The following ATXN1 variants were observed in gnomAD, a reference collection of about 807,000 sequenced individuals.
ATXN1 encodes the protein ataxin 1.
In ATXN1, 8 loss-of-function variants were observed where a neutral mutation model predicts 56.4. The observed-to-expected ratio is 0.14, with a 90% confidence interval of 0.08 to 0.26. ATXN1 has a LOEUF of 0.26. Ranked by LOEUF, ATXN1 falls within the 10% of genes least tolerant of loss-of-function variation. The pLI is 1.00. For missense variants in ATXN1, 987 were observed against 1,106.5 expected (o/e 0.89, Z 1.53); for synonymous variants, 514 against 494.6 (o/e 1.04, Z -0.52).
intron 4 of ATXN1, among the ~76,000 whole-genome samples, chr6:16,531,045 T>A (rs1463914319): frequency 6.6e-6 from 1 of 152,216 alleles, no homozygotes; most frequent in Non-Finnish European, 1.5e-5. Flanking sequence ...TTGAAGAGAA[T>A]TTGTACAAAA....
intron 6 of ATXN1, among the ~76,000 whole-genome samples, chr6:16,396,456 T>C (rs1189545947): frequency 6.6e-6 from 1 of 152,066 alleles, no homozygotes; most frequent in Non-Finnish European, 1.5e-5. Context: ...AGAAAGAAAA[T>C]ATTCTTGTAC....
At chr6:16,589,303 G>A (rs891560297) in intron 3 of ATXN1, among the ~76,000 whole-genome samples, 1 of 152,026 alleles carries the variant, frequency 6.6e-6, no homozygotes, top group African/African-American at 2.4e-5. Flanking sequence ...AGGCAAGAAA[G>A]AGGTATCCCC....
chr6:16,694,992 T>TAATG (rs1309843891), intron 2 of ATXN1, among the ~76,000 whole-genome samples: 1 of 152,174 alleles, frequency 6.6e-6, no homozygotes, highest in Admixed American at 6.5e-5. Flanking sequence ...ATCAGTTAGG[T>TAATG]AATGACTGGC....
intron 2 of ATXN1, among the ~76,000 whole-genome samples, chr6:16,728,039 G>A (rs996043296): frequency 2.0e-5 from 3 of 152,202 alleles, no homozygotes; most frequent in African/African-American, 7.2e-5. Flanking sequence ...TGCATGAGGA[G>A]GCTGTGAGGA....
At chr6:16,519,376 T>C (rs7749322) in intron 5 of ATXN1, among the ~76,000 whole-genome samples, 5,940 of 152,238 alleles carry the variant, frequency 0.039, 393 homozygotes, top group African/African-American at 0.13. Flanking sequence ...ATTATATAGA[T>C]GAGGAAACAT....
At chr6:16,748,750 C>T (rs1210868183) in intron 2 of ATXN1, among the ~76,000 whole-genome samples, 1 of 152,088 alleles carries the variant, frequency 6.6e-6, no homozygotes, top group Non-Finnish European at 1.5e-5. Flanking sequence ...TTGTTCCTGT[C>T]TTAACCTTCT....
intron 3 of ATXN1, among the ~76,000 whole-genome samples, chr6:16,592,875 T>TGGGGGGTTGG (rs1762747832): frequency 7.3e-5 from 1 of 13,704 alleles, no homozygotes; most frequent in Non-Finnish European, 1.2e-4. Context: ...CGGGTGGGGG[T>TGGGGGGTTGG]GGGGGGTTGG....
intron 5 of ATXN1, among the ~76,000 whole-genome samples, chr6:16,518,620 A>G (rs1177769949): frequency 6.6e-6 from 1 of 152,194 alleles, no homozygotes; most frequent in Admixed American, 6.5e-5. Flanking sequence ...CTCTTGTAAG[A>G]TAAAAGTTTC....
chr6:16,325,611 T>A (rs1304075006), intron 7 of ATXN1, among the ~76,000 whole-genome samples: 1 of 152,130 alleles, frequency 6.6e-6, no homozygotes, highest in East Asian at 1.9e-4. Context: ...CACCTGGGGC[T>A]TCCCCAGGTG....
intron 4 of ATXN1, among the ~76,000 whole-genome samples, chr6:16,524,098 G>T (rs1357820889): frequency 6.6e-6 from 1 of 152,172 alleles, no homozygotes; most frequent in African/African-American, 2.4e-5. Flanking sequence ...AGAGGACGTG[G>T]ACGGCATGTG....
intron 6 of ATXN1, among the ~76,000 whole-genome samples, chr6:16,440,781 A>G (rs182334103): frequency 6.6e-6 from 1 of 152,282 alleles, no homozygotes; most frequent in East Asian, 1.9e-4. Context: ...AATAGCAATG[A>G]TAACAACAAA....
intron 6 of ATXN1, among the ~76,000 whole-genome samples, chr6:16,377,209 G>A (rs770008713): frequency 4.7e-4 from 72 of 152,218 alleles, no homozygotes; most frequent in Non-Finnish European, 8.1e-4. Flanking sequence ...CCAGCACTGT[G>A]AGAAATGTAT....
chr6:16,341,508 T>C (rs912228008), intron 6 of ATXN1, among the ~76,000 whole-genome samples: 2 of 150,518 alleles, frequency 1.3e-5, no homozygotes, highest in African/African-American at 4.9e-5. Flanking sequence ...ACCTCTGGTA[T>C]AGAGGATTTT....
chr6:16,491,378 A>C (rs1760661356), intron 5 of ATXN1, among the ~76,000 whole-genome samples: 1 of 149,904 alleles, frequency 6.7e-6, no homozygotes, highest in African/African-American at 2.5e-5. Context: ...TCTGCCTCCC[A>C]GGTTCAAGCA....
intron 7 of ATXN1, among the ~76,000 whole-genome samples, chr6:16,314,637 AT>A (rs1171117124): frequency 3.3e-5 from 5 of 151,276 alleles, no homozygotes; most frequent in Non-Finnish European, 5.9e-5. Flanking sequence ...TTTTTTTGAG[AT>A]GGAGTCTTGC....
intron 6 of ATXN1, among the ~76,000 whole-genome samples, chr6:16,366,538 T>A (rs914833677): frequency 6.6e-6 from 1 of 152,102 alleles, no homozygotes. Flanking sequence ...CCCAGCACTT[T>A]GGGAGGCCGA....
chr6:16,562,598 A>C (rs1207988538), intron 4 of ATXN1, among the ~76,000 whole-genome samples: 3 of 152,136 alleles, frequency 2.0e-5, no homozygotes, highest in Non-Finnish European at 4.4e-5. Flanking sequence ...CCAGAGGTCT[A>C]GGAGTAACCA....
chr6:16,346,062 A>T (rs561717679), intron 6 of ATXN1, among the ~76,000 whole-genome samples: 68 of 152,152 alleles, frequency 4.5e-4, no homozygotes, highest in African/African-American at 1.4e-3. Context: ...TATTCTTTTA[A>T]TTATTTATTT....
At chr6:16,345,586 G>C (rs921371514) in intron 6 of ATXN1, among the ~76,000 whole-genome samples, 1 of 152,154 alleles carries the variant, frequency 6.6e-6, no homozygotes, top group Non-Finnish European at 1.5e-5. Flanking sequence ...TCGGTGAATG[G>C]GTGGCTGACT....
Sources: allele counts gnomAD v4.1 joint callset (sites outside exome capture counted in the v4.1 genomes callset), GRCh38; gene constraint gnomAD v4.1.1; transcripts MANE v1.5; gene names NCBI Gene and HGNC (gene_info 2026-07-23, HGNC 2026-07-21).